The following LRRC4C variants were observed in gnomAD, a reference collection of about 807,000 sequenced individuals.
The protein encoded by LRRC4C is leucine rich repeat containing 4C, also known as leucine-rich repeat-containing protein 4C.
In LRRC4C, 5 loss-of-function variants were observed where a neutral mutation model predicts 33.6. The ratio of observed to expected loss-of-function variants is 0.15; its 90% confidence interval spans 0.08 to 0.31. LRRC4C has a LOEUF of 0.31. LRRC4C is among the 10% of genes least tolerant of loss of function. The probability of loss-of-function intolerance (pLI) is 1.00; values close to 1 mark genes in which losing one functional copy is unlikely to be tolerated. For synonymous variants in LRRC4C, 329 were observed against 302.0 expected (o/e 1.09, Z -0.93); for missense variants, 560 against 796.7 (o/e 0.70, Z 3.58).
At chr11:41,371,673 G>T (rs962134223) in intron 1 of LRRC4C, among the ~76,000 whole-genome samples, 3 of 152,162 alleles carry the variant, frequency 2.0e-5, no homozygotes, top group Non-Finnish European at 4.4e-5. Flanking sequence ...AAATTAAAAA[G>T]CATGTAGAGT....
Position 40,172,967 on chromosome 11 carries a change from T to C in LRRC4C, c.-95-32114A>G, listed in dbSNP as rs187600591. Among the ~76,000 whole-genome samples the C allele has an allele frequency of 3.0e-4, 46 of 152,230 alleles. No individual in the cohort carries two copies. The East Asian group carries it at 7.4e-3, about 24-fold the overall frequency. On this transcript the variant is annotated intron_variant, in intron 5 of 6. Transcript: ENST00000528697. The stretch of plus-strand genomic sequence containing the variant: ...GGAAATATGTACACAAAGACAGACA[T>C]GCACAGAGGAAGATCAAGTGAAGAC...
chr11:41,276,764 C>T (rs1192086742), intron 1 of LRRC4C, among the ~76,000 whole-genome samples: 1 of 152,036 alleles, frequency 6.6e-6, no homozygotes, highest in Non-Finnish European at 1.5e-5. Flanking sequence ...TCACAAGGAT[C>T]CTTACAGGGG....
At chr11:41,369,409 A>G (rs1952661723) in intron 1 of LRRC4C, among the ~76,000 whole-genome samples, 1 of 152,100 alleles carries the variant, frequency 6.6e-6, no homozygotes, top group Admixed American at 6.5e-5. Context: ...AGAGCAGGGA[A>G]AGAGGATCAG....
chr11:40,860,777 CTTTTTTTTTTTTTTTT>C (rs60307580), intron 2 of LRRC4C, among the ~76,000 whole-genome samples: 20 of 43,270 alleles, frequency 4.6e-4, no homozygotes, highest in African/African-American at 1.8e-3. Context: ...GGCTTAGGAT[CTTTTTTTTTTTTTTTT>C]TTTTTTTTTT....
In LRRC4C at chr11:40,535,915, T is replaced by G. The variant is rs942560347; in HGVS notation, c.-270+112227A>C. 5.3e-5 allele frequency among the ~76,000 whole-genome samples: 8 copies of G among 152,338 alleles called. No homozygotes were observed. In the South Asian group the frequency reaches 1.2e-3, roughly 24 times the overall value. ...TGTACTTTTTCCAAAAGGCTTATTTTGCAGACGCTATGCATTTGATTAAGC... is the reference window on the plus strand; with the variant it reads ...TGTACTTTTTCCAAAAGGCTTATTTGGCAGACGCTATGCATTTGATTAAGC... On this transcript the variant is annotated intron_variant, in intron 3 of 6. Coordinates refer to ENST00000528697, the MANE Select transcript of LRRC4C (RefSeq NM_001258419.2).
intron 2 of LRRC4C, among the ~76,000 whole-genome samples, chr11:40,838,267 A>T (rs1952763565): frequency 6.6e-6 from 1 of 152,208 alleles, no homozygotes; most frequent in South Asian, 2.1e-4. Flanking sequence ...AAGAGGTTTC[A>T]GATGGCTTTG....
rs574374031 is a variant in LRRC4C at position 41,335,053 on chromosome 11, C to A, written c.-496+124378G>T. ...AATACTATACTCCACCACCTGGTAA[C>A]ACCTCCAAACACCTAACATCCAGTT... On this transcript the variant is annotated intron_variant, in intron 1 of 6. Transcript: ENST00000528697. 2.6e-5 allele frequency among the ~76,000 whole-genome samples: 4 copies of A among 152,284 alleles called. No individual in the cohort carries two copies. In the South Asian group the frequency reaches 6.2e-4, roughly 24 times the overall value.
At chr11:40,998,035 T>G (rs1854106415) in intron 1 of LRRC4C, among the ~76,000 whole-genome samples, 1 of 152,076 alleles carries the variant, frequency 6.6e-6, no homozygotes, top group Non-Finnish European at 1.5e-5. Flanking sequence ...GAATGTTGAC[T>G]GAAATAACTG....
At chr11:40,314,164 T>TA (rs970328048) in intron 4 of LRRC4C, among the ~76,000 whole-genome samples, 3 of 151,004 alleles carry the variant, frequency 2.0e-5, no homozygotes, top group African/African-American at 4.9e-5. Flanking sequence ...CAGCAAAAAA[T>TA]AAAAAATAAA....
chr11:40,790,551 C>G (rs1456296313), intron 2 of LRRC4C, among the ~76,000 whole-genome samples: 1 of 152,174 alleles, frequency 6.6e-6, no homozygotes, highest in Non-Finnish European at 1.5e-5. Context: ...CAAATCCTCA[C>G]TTTGCACATG....
At chr11:41,177,811 C>T (rs1351590609) in intron 1 of LRRC4C, among the ~76,000 whole-genome samples, 1 of 152,178 alleles carries the variant, frequency 6.6e-6, no homozygotes, top group East Asian at 1.9e-4. Context: ...ACATCGCCCA[C>T]TACTAAAACA....
intron 2 of LRRC4C, among the ~76,000 whole-genome samples, chr11:40,735,101 CA>C (rs941387820): frequency 5.3e-5 from 8 of 152,150 alleles, no homozygotes; most frequent in Non-Finnish European, 7.4e-5. Context: ...CATTCTCAGG[CA>C]TTTGGCCTTG....
intron 2 of LRRC4C, among the ~76,000 whole-genome samples, chr11:40,677,289 G>A (rs1300263034): frequency 6.6e-6 from 1 of 152,100 alleles, no homozygotes; most frequent in Non-Finnish European, 1.5e-5. Flanking sequence ...GGGAGGCTGA[G>A]GCAGGAGAAT....
chr11:41,011,208 T>C (rs1249300930), intron 1 of LRRC4C, among the ~76,000 whole-genome samples: 1 of 152,154 alleles, frequency 6.6e-6, no homozygotes, highest in Non-Finnish European at 1.5e-5. Flanking sequence ...TTCATGATCA[T>C]CACCATCATC....
chr11:41,034,326 G>C (rs1856901923), intron 1 of LRRC4C, among the ~76,000 whole-genome samples: 1 of 150,770 alleles, frequency 6.6e-6, no homozygotes, highest in African/African-American at 2.4e-5. Flanking sequence ...GCGTGCTCTT[G>C]GACTTTCTAG....
At chr11:41,025,091 C>G (rs972291862) in intron 1 of LRRC4C, among the ~76,000 whole-genome samples, 8 of 151,680 alleles carry the variant, frequency 5.3e-5, no homozygotes, top group East Asian at 1.9e-4. Context: ...CTTTCTCCCT[C>G]TACTTGGACC....
At chr11:41,310,028 C>T (rs544626593) in intron 1 of LRRC4C, among the ~76,000 whole-genome samples, 1 of 152,260 alleles carries the variant, frequency 6.6e-6, no homozygotes, top group African/African-American at 2.4e-5. Flanking sequence ...ACCTGTCATC[C>T]CTTTCTCTGT....
intron 3 of LRRC4C, among the ~76,000 whole-genome samples, chr11:40,612,018 C>A: frequency 6.6e-6 from 1 of 151,684 alleles, no homozygotes; most frequent in East Asian, 1.9e-4. Flanking sequence ...GACCATATGA[C>A]CCCAAAATCC....
chr11:40,370,644 G>A (rs1948410519), intron 3 of LRRC4C, among the ~76,000 whole-genome samples: 1 of 152,160 alleles, frequency 6.6e-6, no homozygotes, highest in African/African-American at 2.4e-5. Context: ...AACAGATTGA[G>A]AGGGCTTCTT....
Sources: gnomAD v4.1 joint callset for allele counts (sites outside exome capture counted in the v4.1 genomes callset) on GRCh38, gnomAD v4.1.1 for gene constraint, MANE v1.5 for transcripts, NCBI Gene and HGNC (gene_info 2026-07-23, HGNC 2026-07-21) for gene names.